Variants in TBX5 observed in about 807,000 individuals in gnomAD.
TBX5 encodes the protein T-box transcription factor 5.
TBX5 carries 8 observed loss-of-function variants against 51.1 expected under a neutral mutation model. The ratio of observed to expected loss-of-function variants is 0.16; its 90% CI spans 0.09 to 0.28. The LOEUF (loss-of-function observed/expected upper bound fraction) is 0.28, where lower values mean the gene tolerates loss of function less well. Among genes scored for constraint, TBX5 ranks in the 10% least tolerant of loss-of-function variants. The pLI, the probability that TBX5 is intolerant of heterozygous loss-of-function variation, is 1.00. For missense variants in TBX5, 589 were observed against 671.7 expected (o/e 0.88, Z 1.36); for synonymous variants, 302 against 266.4 (o/e 1.13, Z -1.30).
At chr12:114,360,925 A>G (rs1869205889) in intron 8 of TBX5, among the ~76,000 whole-genome samples, 1 of 152,226 alleles carries the variant, frequency 6.6e-6, no homozygotes, top group Non-Finnish European at 1.5e-5. Context: ...AGTTTGAAAC[A>G]TCACCTAGTC....
chr12:114,386,588 A>T (rs1870827276), intron 6 of TBX5, among the ~76,000 whole-genome samples: 2 of 152,336 alleles, frequency 1.3e-5, no homozygotes, highest in East Asian at 1.9e-4. Flanking sequence ...ATTTCACACA[A>T]ATATGATATC....
Position 114,355,818 on chromosome 12 carries a change from T to C in TBX5, c.1271A>G (p.Gln424Arg). The C allele has an allele frequency of 6.2e-7, 1 of 1,614,086 alleles. No individual in the cohort carries two copies. The highest frequency in any genetic ancestry group is 8.5e-7 in the Non-Finnish European group (1 of 1,180,034). ...TVQPMDRLPYQHFSAHFTSGP... is the reference protein window; with the variant it reads ...TVQPMDRLPYRHFSAHFTSGP... Reference sequence around the variant, plus strand: ...CGAGGTGAAGTGAGCGGAGAAGTGCTGGTAGGGTAGCCTGTCCATGGGCTG... The same window carrying C: ...CGAGGTGAAGTGAGCGGAGAAGTGCCGGTAGGGTAGCCTGTCCATGGGCTG... The change falls in exon 9 of 9, where the codon CAG (glutamine) becomes CGG (arginine). Residue 424 changes from glutamine to arginine, a missense_variant. Physicochemically the swap from Gln to Arg is conservative, Grantham distance 43. Around this residue, in one of 7 missense-constraint regions of TBX5, gnomAD observed 348 missense variants for 360.4 expected, o/e 0.97. Coordinates refer to ENST00000405440, the MANE Select transcript of TBX5 (RefSeq NM_181486.4).
chr12:114,393,408 G>C (rs550416718), intron 6 of TBX5, among the ~76,000 whole-genome samples: 1 of 151,928 alleles, frequency 6.6e-6, no homozygotes, highest in Non-Finnish European at 1.5e-5. Flanking sequence ...GTCTACAACC[G>C]CACGAGGGCA....
intron 7 of TBX5, among the ~76,000 whole-genome samples, chr12:114,384,714 AACACACACAC>A (rs1555225276): frequency 1.1e-4 from 16 of 143,950 alleles, no homozygotes; most frequent in African/African-American, 3.1e-4. Flanking sequence ...AAAAAAAGAA[AACACACACAC>A]ACACACACAC....
intron 8 of TBX5, among the ~76,000 whole-genome samples, chr12:114,360,682 G>T (rs987800545): frequency 1.3e-5 from 2 of 149,630 alleles, no homozygotes; most frequent in Admixed American, 1.3e-4. Context: ...ATAGATAGAT[G>T]AGTGATGGAT....
chr12:114,357,527 G>A (rs1402372352), intron 8 of TBX5, among the ~76,000 whole-genome samples: 2 of 152,172 alleles, frequency 1.3e-5, no homozygotes, highest in Non-Finnish European at 2.9e-5. Flanking sequence ...CTGAATCAAA[G>A]TGAGTAATAC....
chr12:114,406,257 G>C (rs1384627295), upstream of TBX5, among the ~76,000 whole-genome samples: 1 of 113,076 alleles, frequency 8.8e-6, no homozygotes, highest in African/African-American at 3.4e-5. Context: ...TAGATTTCCC[G>C]AACACTCAAA....
chr12:114,357,019 GAT>G (rs1313685005), intron 8 of TBX5, among the ~76,000 whole-genome samples: 62 of 152,154 alleles, frequency 4.1e-4, no homozygotes, highest in African/African-American at 1.5e-3. Context: ...TGGATGGATG[GAT>G]GGATGGATGC....
At chr12:114,364,969 C>T (rs1869433721) in intron 8 of TBX5, among the ~76,000 whole-genome samples, 1 of 152,066 alleles carries the variant, frequency 6.6e-6, no homozygotes, top group Non-Finnish European at 1.5e-5. Context: ...TGAACTCCAC[C>T]ACACCACCTG....
intron 7 of TBX5, among the ~76,000 whole-genome samples, chr12:114,379,292 A>T (rs1284860687): frequency 2.6e-5 from 4 of 152,156 alleles, no homozygotes; most frequent in Non-Finnish European, 4.4e-5. Flanking sequence ...TCTTTTCACC[A>T]CAAGCAGCAT....
At position 114,404,688 on chromosome 12, in the gene TBX5, A is replaced by T. The variant is rs574325160; in HGVS notation, c.-38-752T>A. On this transcript the variant is annotated intron_variant, in intron 1 of 8. Coordinates refer to ENST00000405440, the MANE Select transcript of TBX5 (RefSeq NM_181486.4). ...AGAAAGTCACCGTGCAGCCGTTCCG[A>T]GGAAGGCTCGTCACTGGGTGCCCGC... 2.9e-4 allele frequency among the ~76,000 whole-genome samples: 44 copies of T among 152,234 alleles called. 1 individual carries two copies. The highest frequency in any genetic ancestry group is 3.9e-4 in the Admixed American group (6 of 15,304).
intron 6 of TBX5, among the ~76,000 whole-genome samples, chr12:114,386,683 G>A (rs182322143): frequency 5.3e-5 from 8 of 152,282 alleles, no homozygotes; most frequent in Non-Finnish European, 1.0e-4. Flanking sequence ...CATATCCAAA[G>A]CTTGCCTTCT....
chr12:114,387,709 T>C (rs1174066955), intron 6 of TBX5, among the ~76,000 whole-genome samples: 1 of 152,022 alleles, frequency 6.6e-6, no homozygotes, highest in Non-Finnish European at 1.5e-5. Context: ...CTGCAAAAAA[T>C]GTTCCACTCT....
intron 5 of TBX5, among the ~76,000 whole-genome samples, chr12:114,397,110 C>A (rs2136414329): frequency 6.6e-6 from 1 of 152,298 alleles, no homozygotes; most frequent in Non-Finnish European, 1.5e-5. Flanking sequence ...CTCAAAGGAG[C>A]AGATTTCTCG....
upstream of TBX5, chr12:114,407,172 A>C: frequency 1.2e-5 from 11 of 940,626 alleles, no homozygotes; most frequent in Non-Finnish European, 1.4e-5. Context: ...CAAAATGCCA[A>C]AGTGGAGAAT....
chr12:114,358,488 G>A (rs1322187126), intron 8 of TBX5, among the ~76,000 whole-genome samples: 1 of 152,064 alleles, frequency 6.6e-6, no homozygotes, highest in Non-Finnish European at 1.5e-5. Flanking sequence ...AGCTCCATTT[G>A]TATCAATGTC....
chr12:114,360,353 T>C (rs980972203), intron 8 of TBX5, among the ~76,000 whole-genome samples: 5 of 117,290 alleles, frequency 4.3e-5, no homozygotes, highest in African/African-American at 1.3e-4. Flanking sequence ...GATGAGTAGA[T>C]GGATGGATGG....
intron 7 of TBX5, among the ~76,000 whole-genome samples, chr12:114,369,435 G>T (rs1328233444): frequency 2.0e-5 from 3 of 152,162 alleles, no homozygotes; most frequent in African/African-American, 7.2e-5. Flanking sequence ...CACCGATCGT[G>T]AACATCTCTG....
intron 5 of TBX5, among the ~76,000 whole-genome samples, chr12:114,398,105 T>G (rs1460671973): frequency 6.6e-6 from 1 of 152,128 alleles, no homozygotes; most frequent in Non-Finnish European, 1.5e-5. Context: ...GCAGCTTCAA[T>G]CATTCCTCCA....
Sources: allele counts gnomAD v4.1 joint callset (sites outside exome capture counted in the v4.1 genomes callset), GRCh38; gene constraint gnomAD v4.1.1; regional missense constraint gnomAD v4.1.1; transcripts MANE v1.5; gene names NCBI Gene and HGNC (gene_info 2026-07-23, HGNC 2026-07-21).